CTBP2: variants seen among roughly 807,000 people sequenced by gnomAD.
CTBP2 encodes the protein C-terminal-binding protein 2.
Under a neutral mutation model 80.3 loss-of-function variants are expected in CTBP2, and 30 were observed. The observed-to-expected ratio is 0.37, with a 90% CI of 0.28 to 0.51. CTBP2 has a LOEUF of 0.51. Among genes scored for constraint, CTBP2 ranks in the 20% least tolerant of loss-of-function variants. The pLI is 0.93. For missense variants in CTBP2, 1,212 were observed against 1,375.3 expected (o/e 0.88, Z 1.88); for synonymous variants, 594 against 587.4 (o/e 1.01, Z -0.16).
At chr10:125,020,735 C>T (rs771298230) in intron 1 of CTBP2, among the ~76,000 whole-genome samples, 3 of 152,214 alleles carry the variant, frequency 2.0e-5, no homozygotes, top group South Asian at 2.1e-4. Flanking sequence ...GCCTGTTACG[C>T]ACAAGGCCTG....
chr10:125,149,693 T>C (rs1391337656), intron 1 of CTBP2, among the ~76,000 whole-genome samples: 1 of 152,196 alleles, frequency 6.6e-6, no homozygotes, highest in Non-Finnish European at 1.5e-5. Flanking sequence ...AATAGGAAGG[T>C]AATCTTATAA....
chr10:125,011,735 G>A (rs982245458), intron 1 of CTBP2, among the ~76,000 whole-genome samples: 1 of 152,248 alleles, frequency 6.6e-6, no homozygotes, highest in Admixed American at 6.5e-5. Flanking sequence ...GCGGAACGGA[G>A]GAGCACAGCG....
chr10:125,043,600 G>A (rs2135069008), intron 2 of CTBP2, among the ~76,000 whole-genome samples: 1 of 152,046 alleles, frequency 6.6e-6, no homozygotes, highest in East Asian at 1.9e-4. Flanking sequence ...ACCACGCCCG[G>A]CTACTTTTTG....
chr10:125,129,045 C>T (rs978962269), intron 1 of CTBP2, among the ~76,000 whole-genome samples: 3 of 152,102 alleles, frequency 2.0e-5, no homozygotes, highest in Non-Finnish European at 4.4e-5. Flanking sequence ...ATGAAAAAAG[C>T]TTCATGCAAA....
intron 1 of CTBP2, among the ~76,000 whole-genome samples, chr10:125,114,133 G>A (rs1361059935): frequency 1.3e-5 from 2 of 152,252 alleles, no homozygotes; most frequent in East Asian, 3.9e-4. Context: ...AGTATACAAC[G>A]AGACGCAGAA....
chr10:125,040,535 A>ATT (rs140771355), intron 2 of CTBP2, among the ~76,000 whole-genome samples: 2 of 141,356 alleles, frequency 1.4e-5, no homozygotes, highest in Admixed American at 7.2e-5. Context: ...TGTCTTCTGT[A>ATT]TTTTTTTTTT....
intron 1 of CTBP2, among the ~76,000 whole-genome samples, chr10:125,157,143 C>T (rs1861063922): frequency 6.6e-6 from 1 of 152,166 alleles, no homozygotes; most frequent in Non-Finnish European, 1.5e-5. Context: ...TCTTTCTCTT[C>T]ACGGAATTGA....
At chr10:125,085,455 T>C (rs534188005) in intron 2 of CTBP2, among the ~76,000 whole-genome samples, 1 of 152,160 alleles carries the variant, frequency 6.6e-6, no homozygotes, top group East Asian at 1.9e-4. Context: ...GCCACCTCCG[T>C]GTGCAACAGC....
chr10:125,077,649 A>G (rs1172966821), intron 2 of CTBP2, among the ~76,000 whole-genome samples: 4 of 152,170 alleles, frequency 2.6e-5, no homozygotes, highest in African/African-American at 4.8e-5. Flanking sequence ...GGGCTCTCTG[A>G]CACAAACAAC....
chr10:125,147,679 C>CTT (rs112288030), intron 1 of CTBP2, among the ~76,000 whole-genome samples: 7,602 of 152,206 alleles, frequency 0.05, 596 homozygotes, highest in African/African-American at 0.17. Flanking sequence ...GGGAGGATTA[C>CTT]TTGAGCTCAG....
intron 1 of CTBP2, chr10:125,006,021 C>G: frequency 7.0e-7 from 1 of 1,418,568 alleles, no homozygotes; most frequent in Non-Finnish European, 9.2e-7. Flanking sequence ...CACAAGATGT[C>G]CATCCGCAGC....
intron 2 of CTBP2, among the ~76,000 whole-genome samples, chr10:125,063,950 C>T (rs1234213946): frequency 6.6e-6 from 1 of 152,262 alleles, no homozygotes; most frequent in African/African-American, 2.4e-5. Flanking sequence ...TCCAGGGGTG[C>T]TCTCTGCTGA....
intron 2 of CTBP2, among the ~76,000 whole-genome samples, chr10:125,065,608 G>GGGGGCC (rs1000553160): frequency 1.3e-5 from 2 of 152,170 alleles, no homozygotes; most frequent in African/African-American, 4.8e-5. Context: ...TGAGAGCTAA[G>GGGGGCC]GGGGCCGGAG....
intron 2 of CTBP2, among the ~76,000 whole-genome samples, chr10:125,039,477 T>A (rs1959181997): frequency 6.6e-6 from 1 of 152,238 alleles, no homozygotes; most frequent in African/African-American, 2.4e-5. Flanking sequence ...TGAAGTGTAA[T>A]AAATTATATT....
intron 2 of CTBP2, among the ~76,000 whole-genome samples, chr10:125,106,090 C>T (rs915909622): frequency 6.6e-6 from 1 of 152,242 alleles, no homozygotes; most frequent in South Asian, 2.1e-4. Flanking sequence ...TCCCTCAGTT[C>T]AGTGGCCAGG....
chr10:125,045,207 CA>C (rs919605701), intron 2 of CTBP2, among the ~76,000 whole-genome samples: 2 of 152,206 alleles, frequency 1.3e-5, no homozygotes, highest in African/African-American at 4.8e-5. Flanking sequence ...AGGAGGTCTA[CA>C]GCCAGCAAGC....
chr10:124,995,327 A>G (rs1041099751), intron 4 of CTBP2, among the ~76,000 whole-genome samples: 1 of 152,168 alleles, frequency 6.6e-6, no homozygotes, highest in Non-Finnish European at 1.5e-5. Flanking sequence ...CCCGCCAGCT[A>G]TGTCACAGGA....
chr10:125,051,627 G>T (rs1442745647), intron 2 of CTBP2, among the ~76,000 whole-genome samples: 1 of 150,050 alleles, frequency 6.7e-6, no homozygotes, highest in Non-Finnish European at 1.5e-5. Flanking sequence ...GCAACAGAGT[G>T]AGACTCTGTC....
At chr10:125,047,765 T>A (rs1398388521) in intron 2 of CTBP2, among the ~76,000 whole-genome samples, 1 of 152,264 alleles carries the variant, frequency 6.6e-6, no homozygotes. Flanking sequence ...TGTTAAACAT[T>A]GCTGTCTTAA....
Sources: gnomAD v4.1 joint callset for allele counts (sites outside exome capture counted in the v4.1 genomes callset) on GRCh38, gnomAD v4.1.1 for gene constraint, MANE v1.5 for transcripts, NCBI Gene and HGNC (gene_info 2026-07-23, HGNC 2026-07-21) for gene names.